The following OCA2 variants were observed in gnomAD, a reference collection of about 807,000 sequenced individuals.
OCA2 encodes the protein OCA2 melanosomal transmembrane protein.
In OCA2, 77 loss-of-function variants were observed where a neutral mutation model predicts 100.2. The ratio of observed to expected loss-of-function variants is 0.77; its 90% confidence interval spans 0.64 to 0.93. OCA2 has a LOEUF of 0.93. OCA2 is among the 40% of genes least tolerant of loss of function. The pLI is 0.00. For synonymous variants in OCA2, 432 were observed against 439.2 expected (o/e 0.98, Z 0.21); for missense variants, 1,062 against 1,089.1 (o/e 0.98, Z 0.35).
intron 23 of OCA2, among the ~76,000 whole-genome samples, chr15:27,795,976 G>T (rs1426047164): frequency 6.6e-6 from 1 of 152,208 alleles, no homozygotes; most frequent in African/African-American, 2.4e-5. Context: ...ATCAATAGTT[G>T]TTCTCAAGCA....
chr15:27,785,983 A>C (rs1054781301), intron 23 of OCA2, among the ~76,000 whole-genome samples: 14 of 152,220 alleles, frequency 9.2e-5, no homozygotes, highest in Non-Finnish European at 7.4e-5. Context: ...AAGAAGCCCA[A>C]CACCAAAGGT....
At chr15:27,815,483 G>A (rs8042881) in intron 23 of OCA2, among the ~76,000 whole-genome samples, 89,722 of 152,040 alleles carry the variant, frequency 0.59, 26,900 homozygotes, top group South Asian at 0.77. Flanking sequence ...GAGAATAGGC[G>A]TCTGTATTCA....
chr15:27,986,564 A>G lies in OCA2; in HGVS notation c.1239+23T>C, dbSNP rs752879533. The G allele has an allele frequency of 2.8e-6, 4 of 1,434,366 alleles. No individual in the cohort carries two copies. The African/African-American group carries it at 4.2e-5, about 15-fold the overall frequency. The allele number at this position is 1,434,366 out of a possible 1,614,324, so 88.9% of individuals were successfully genotyped here. A position where few individuals can be genotyped will look rare whatever the true frequency, so the allele number is the denominator to read the frequency against. On this transcript the variant is annotated intron_variant, in intron 12 of 23. Transcript: ENST00000354638. ...TATATAAATTAATCAGGATAGAATT[A>G]TTAAATGCAACATCATACCTACCTT...
intron 14 of OCA2, among the ~76,000 whole-genome samples, chr15:27,977,715 G>A (rs1424378780): frequency 6.6e-6 from 1 of 152,200 alleles, no homozygotes; most frequent in East Asian, 1.9e-4. Flanking sequence ...AGGAGATGGA[G>A]TCTTTTGGAG....
At chr15:28,081,611 A>G (rs2044625471) in intron 2 of OCA2, 37 bp downstream of exon 2, 2 of 1,576,244 alleles carry the variant, frequency 1.3e-6, no homozygotes, top group Non-Finnish European at 8.7e-7. Flanking sequence ...ATCTGTGTGA[A>G]GTCCACATTT....
At chr15:28,049,554 G>A (rs2043445516) in intron 2 of OCA2, among the ~76,000 whole-genome samples, 1 of 152,136 alleles carries the variant, frequency 6.6e-6, no homozygotes, top group African/African-American at 2.4e-5. Context: ...TAGCCAAAAT[G>A]TGGAAACAAC....
intron 23 of OCA2, among the ~76,000 whole-genome samples, chr15:27,804,071 T>C (rs1016725400): frequency 2.0e-5 from 3 of 152,202 alleles, no homozygotes; most frequent in African/African-American, 7.2e-5. Context: ...TTGTAATTTA[T>C]TGTATGTCAA....
intron 9 of OCA2, among the ~76,000 whole-genome samples, chr15:27,996,890 A>G (rs1044819477): frequency 6.6e-6 from 1 of 152,068 alleles, no homozygotes; most frequent in East Asian, 1.9e-4. Flanking sequence ...AACTTTTGTA[A>G]AACTTCAAAC....
chr15:27,977,799 C>G (rs1401325840), intron 14 of OCA2, among the ~76,000 whole-genome samples: 1 of 152,082 alleles, frequency 6.6e-6, no homozygotes, highest in East Asian at 1.9e-4. Flanking sequence ...GAAGAGACAC[C>G]AGAGAGCTTC....
chr15:27,734,701 A>T, the OCA2 span, among the ~76,000 whole-genome samples: 2 of 152,226 alleles, frequency 1.3e-5, no homozygotes, highest in African/African-American at 4.8e-5. Context: ...CATGACAGCC[A>T]TTGCAGCCTT....
intron 23 of OCA2, among the ~76,000 whole-genome samples, chr15:27,766,039 C>T (rs1299535104): frequency 6.6e-6 from 1 of 152,120 alleles, no homozygotes; most frequent in Non-Finnish European, 1.5e-5. Context: ...AAGATGGAGT[C>T]GCTCTGGTTC....
At chr15:27,854,126 T>C (rs1206910861) in intron 21 of OCA2, among the ~76,000 whole-genome samples, 1 of 152,202 alleles carries the variant, frequency 6.6e-6, no homozygotes, top group Non-Finnish European at 1.5e-5. Context: ...GCCTAGTGGC[T>C]TCCTTTGACC....
chr15:27,789,140 G>C (rs1242729694), intron 23 of OCA2, among the ~76,000 whole-genome samples: 1 of 133,138 alleles, frequency 7.5e-6, no homozygotes, highest in African/African-American at 2.8e-5. Context: ...ATTTATTCAG[G>C]CTCATCTATA....
chr15:27,969,736 T>A (rs946240981), intron 14 of OCA2, among the ~76,000 whole-genome samples: 3 of 152,152 alleles, frequency 2.0e-5, no homozygotes, highest in Admixed American at 2.0e-4. Context: ...CCCAGATTCA[T>A]AATCTACATA....
chr15:27,985,294 A>G (rs1322714537), intron 12 of OCA2, 106 bp from the exon 13 acceptor site: 5 of 1,355,870 alleles, frequency 3.7e-6, no homozygotes, highest in African/African-American at 1.4e-5. Context: ...AACTAACATT[A>G]CCCCATGGGT....
At chr15:27,796,372 G>C (rs911906393) in intron 23 of OCA2, among the ~76,000 whole-genome samples, 1 of 152,370 alleles carries the variant, frequency 6.6e-6, no homozygotes, top group South Asian at 2.1e-4. Context: ...TGTCCCACGT[G>C]GACACCAGCA....
chr15:27,771,445 G>C (rs1042266035), intron 23 of OCA2, among the ~76,000 whole-genome samples: 4 of 152,028 alleles, frequency 2.6e-5, no homozygotes, highest in African/African-American at 9.7e-5. Context: ...CCCTCCGTGT[G>C]CTCCGCAGAG....
rs2040264957 is a variant in OCA2 at position 27,957,553 on chromosome 15, AC to A, written c.1784+34del. ...AGGCCCATGGAATGTTCTGCTGCAC[AC>A]CAAGCACAGTCTGAGCAGGACCCCG... On this transcript the variant is annotated intron_variant, in intron 16 of 23. Transcript: ENST00000354638. The surrounding 1 kb of genome is among the most constrained non-coding windows in gnomAD (Gnocchi z 4.3). 1 of 1,610,872 alleles carries A rather than the reference AC, an allele frequency of 6.2e-7. No homozygotes were observed. The highest frequency in any genetic ancestry group is 1.7e-5 in the Admixed American group (1 of 60,010).
intron 23 of OCA2, among the ~76,000 whole-genome samples, chr15:27,794,778 T>C (rs144860931): frequency 6.2e-4 from 94 of 152,316 alleles, no homozygotes; most frequent in Middle Eastern, 3.4e-3. Flanking sequence ...TCCTTCTCAA[T>C]TGCCAATTTT....
Sources: gnomAD v4.1 joint callset for allele counts (sites outside exome capture counted in the v4.1 genomes callset) on GRCh38, gnomAD v4.1.1 for gene constraint, Gnocchi (gnomAD v3.1) non-coding constraint, MANE v1.5 for transcripts, NCBI Gene and HGNC (gene_info 2026-07-23, HGNC 2026-07-21) for gene names.